ARHGEF7: variants seen among roughly 807,000 people sequenced by gnomAD.
ARHGEF7 encodes Rho guanine nucleotide exchange factor 7.
ARHGEF7 carries 33 observed loss-of-function variants against 109.8 expected under a neutral mutation model. The ratio of observed to expected loss-of-function variants is 0.30; its 90% CI spans 0.23 to 0.40. The LOEUF is 0.40. Ranked by LOEUF, ARHGEF7 falls within the 10% of genes least tolerant of loss-of-function variation. The probability of loss-of-function intolerance (pLI) is 1.00; values close to 1 mark genes in which losing one functional copy is unlikely to be tolerated. For missense variants in ARHGEF7, 938 were observed against 1,098.5 expected, an observed-to-expected ratio of 0.85 and a Z score of 2.07; for synonymous variants, 458 against 424.6, an observed-to-expected ratio of 1.08 and a Z score of -0.97.
intron 1 of ARHGEF7, among the ~76,000 whole-genome samples, chr13:111,117,662 T>C (rs774626184): frequency 7.2e-5 from 11 of 152,208 alleles, no homozygotes; most frequent in Non-Finnish European, 1.6e-4. Context: ...CTGGGTTTCT[T>C]TCTTTCTTTT....
Position 111,239,090 on chromosome 13 carries a change from T to C in ARHGEF7, c.760-4782T>C, listed in dbSNP as rs952567578. On this transcript the variant is annotated intron_variant, in intron 6 of 21. Transcript: ENST00000646102. This position sits in a 1 kb window ranked among gnomAD's most constrained non-coding sequence, Gnocchi z 4.3. ...CATCAGATCTTGTGAGAACTCACCA[T>C]GAGAACAGCATAGGGGAACGCGCTG... 6.6e-6 allele frequency among the ~76,000 whole-genome samples: 1 copy of C among 152,044 alleles called. No homozygotes were observed. The highest frequency in any genetic ancestry group is 1.5e-5 in the Non-Finnish European group (1 of 68,004).
intron 8 of ARHGEF7, chr13:111,265,791 C>T (rs2091576664): frequency 2.2e-6 from 1 of 451,072 alleles, no homozygotes; most frequent in African/African-American, 2.0e-5. Context: ...TGTGAGGGAG[C>T]TGTTTTGCCC....
At chr13:111,285,213 G>A (rs2092968011) in intron 16 of ARHGEF7, among the ~76,000 whole-genome samples, 1 of 146,994 alleles carries the variant, frequency 6.8e-6, no homozygotes, top group East Asian at 1.9e-4. Context: ...TCATTTCCAT[G>A]GTCATGTCCA....
At chr13:111,196,451 C>T (rs928259711) in intron 2 of ARHGEF7, among the ~76,000 whole-genome samples, 4 of 152,336 alleles carry the variant, frequency 2.6e-5, no homozygotes, top group Non-Finnish European at 2.9e-5. Flanking sequence ...GACATCTCTC[C>T]AAGTGAGATC....
intron 1 of ARHGEF7, 31 bp from the exon 2 acceptor site, chr13:111,153,874 C>T (rs1367094338): frequency 2.5e-6 from 4 of 1,581,058 alleles, no homozygotes; most frequent in Non-Finnish European, 3.4e-6. Context: ...CTGCCGGCCA[C>T]GGCGCTCAGC....
Position 111,115,902 on chromosome 13 carries a change from G to A in ARHGEF7, c.165+211G>A, listed in dbSNP as rs1333136523. Reference sequence around the variant, plus strand: ...CAGGGGGAGGGGGCCGGGGAGCGGGGTCGGGGGGAGGGGCGGCGCGGGCGG... The same window carrying A: ...CAGGGGGAGGGGGCCGGGGAGCGGGATCGGGGGGAGGGGCGGCGCGGGCGG... On this transcript the variant is annotated intron_variant, in intron 1 of 21. Transcript: ENST00000646102. 2.0e-5 allele frequency among the ~76,000 whole-genome samples: 3 copies of A among 150,126 alleles called. No individual in the cohort carries two copies. The East Asian group carries it at 6.0e-4, about 30-fold the overall frequency.
chr13:111,253,043 C>T (rs1009586139), intron 8 of ARHGEF7, among the ~76,000 whole-genome samples: 1 of 152,262 alleles, frequency 6.6e-6, no homozygotes, highest in Non-Finnish European at 1.5e-5. Context: ...AGCCCAGGCC[C>T]CCTTCTCCTG....
chr13:111,136,109 C>T (rs1463839229), intron 1 of ARHGEF7, among the ~76,000 whole-genome samples: 5 of 152,054 alleles, frequency 3.3e-5, no homozygotes, highest in East Asian at 1.9e-4. Context: ...TATTGATTTT[C>T]GTATGTTGAA....
At chr13:111,178,130 A>G (rs2078348869) in intron 2 of ARHGEF7, among the ~76,000 whole-genome samples, 1 of 152,230 alleles carries the variant, frequency 6.6e-6, no homozygotes, top group Admixed American at 6.5e-5. Flanking sequence ...TTCATTTAAA[A>G]ATAAAGCAAG....
intron 1 of ARHGEF7, chr13:111,144,729 C>T (rs1391527160): frequency 6.6e-6 from 1 of 151,980 alleles, no homozygotes; most frequent in African/African-American, 2.4e-5. Flanking sequence ...CCTATGAAGA[C>T]CCCAGCACGC....
intron 8 of ARHGEF7, among the ~76,000 whole-genome samples, chr13:111,259,626 C>G (rs2090865441): frequency 6.6e-6 from 1 of 152,174 alleles, no homozygotes; most frequent in African/African-American, 2.4e-5. Flanking sequence ...CCTTTGAATA[C>G]TGGAAAGCCT....
At position 111,304,393 on chromosome 13, in the gene ARHGEF7, T is replaced by C. The variant is rs2093621605; in HGVS notation, c.*1280T>C. The C allele has an allele frequency of 6.6e-6, 1 of 152,230 alleles. No homozygotes were observed. Among genetic ancestry groups the C allele is most frequent in the African/African-American group, 2.4e-5 (1 of 41,450 alleles). 9.4% of individuals were successfully genotyped at this position (152,230 alleles called of 1,614,324 possible). On this transcript the variant is annotated 3_prime_UTR_variant, in exon 22 of 22. Transcript: ENST00000646102. ...TAAGGGTGACCACAGGGACTTTGCTTTTGGTTTCCTTTCCTGTGAAAAGGT... is the reference window on the plus strand; with the variant it reads ...TAAGGGTGACCACAGGGACTTTGCTCTTGGTTTCCTTTCCTGTGAAAAGGT...
In ARHGEF7 at chr13:111,193,294, A is replaced by G. The variant is rs963982097; in HGVS notation, c.253-11995A>G. On this transcript the variant is annotated intron_variant, in intron 2 of 21. Coordinates refer to ENST00000646102, the MANE Select transcript of ARHGEF7 (RefSeq NM_001354046.2). ...TTAATCTCTTGGAGGGGGTTGTTCC[A>G]TACCAAGGGTCCTTCCGTAGGTATT... Among the ~76,000 whole-genome samples the G allele has an allele frequency of 3.3e-5, 5 of 152,216 alleles. No individual in the cohort carries two copies. In the South Asian group the frequency reaches 8.3e-4, roughly 25 times the overall value.
intron 8 of ARHGEF7, among the ~76,000 whole-genome samples, chr13:111,256,962 A>G (rs1213852535): frequency 6.6e-6 from 1 of 152,262 alleles, no homozygotes; most frequent in Non-Finnish European, 1.5e-5. Flanking sequence ...ACGTTTGGAC[A>G]GGACCTGTTA....
At chr13:111,152,620 A>T (rs2075951938) in intron 1 of ARHGEF7, among the ~76,000 whole-genome samples, 1 of 152,236 alleles carries the variant, frequency 6.6e-6, no homozygotes. Context: ...AGTATTCCTG[A>T]GTAGCCTGGT....
At chr13:111,213,496 C>T (rs1394922378) in intron 4 of ARHGEF7, among the ~76,000 whole-genome samples, 5 of 152,218 alleles carry the variant, frequency 3.3e-5, no homozygotes, top group African/African-American at 1.2e-4. Context: ...TCCAACTCCT[C>T]GATGGAGCTT....
At chr13:111,221,216 T>A (rs184774325) in intron 5 of ARHGEF7, among the ~76,000 whole-genome samples, 3,259 of 39,692 alleles carry the variant, frequency 0.082, 172 homozygotes, top group Middle Eastern at 0.13. Context: ...GATATATATG[T>A]CTATATATAT....
chr13:111,287,481 C>T (rs974441246), intron 17 of ARHGEF7, among the ~76,000 whole-genome samples: 21 of 152,226 alleles, frequency 1.4e-4, no homozygotes, highest in Admixed American at 7.8e-4. Context: ...ACAGTGTGGC[C>T]GAAAGAGATC....
intron 2 of ARHGEF7, among the ~76,000 whole-genome samples, chr13:111,204,562 TAC>T (rs1391030364): frequency 6.6e-6 from 1 of 152,184 alleles, no homozygotes; most frequent in Non-Finnish European, 1.5e-5. Flanking sequence ...AGTTGCCACA[TAC>T]CTAGGCAAAC....
Sources: allele counts gnomAD v4.1 joint callset (sites outside exome capture counted in the v4.1 genomes callset), GRCh38; gene constraint gnomAD v4.1.1; non-coding constraint Gnocchi (gnomAD v3.1); transcripts MANE v1.5; gene names NCBI Gene and HGNC (gene_info 2026-07-23, HGNC 2026-07-21).